Variants in PLCB1 observed in about 807,000 individuals in gnomAD.
PLCB1 encodes the protein phospholipase C beta 1.
A neutral mutation model predicts 161.8 loss-of-function variants in PLCB1; 46 were observed. That is an observed-to-expected ratio of 0.28 (90% CI 0.22 to 0.36). PLCB1 has a LOEUF of 0.36. Ranked by LOEUF, PLCB1 falls within the 10% of genes least tolerant of loss-of-function variation. The probability of loss-of-function intolerance (pLI) is 1.00; values close to 1 mark genes in which losing one functional copy is unlikely to be tolerated. For missense variants in PLCB1, 1,016 were observed against 1,472.5 expected, an observed-to-expected ratio of 0.69 and a Z score of 5.07; for synonymous variants, 517 against 503.7, an observed-to-expected ratio of 1.03 and a Z score of -0.35.
chr20:8,208,297 T>C (rs567501229), intron 2 of PLCB1, among the ~76,000 whole-genome samples: 10 of 152,284 alleles, frequency 6.6e-5, no homozygotes, highest in East Asian at 1.9e-4. Context: ...TCTTAACTTA[T>C]TTCTTTTCAC....
chr20:8,762,735 G>A (rs1008836320), intron 25 of PLCB1, among the ~76,000 whole-genome samples: 5 of 152,124 alleles, frequency 3.3e-5, no homozygotes, highest in Admixed American at 6.5e-5. Context: ...AAAAGAGATC[G>A]AATGTCAGGA....
intron 2 of PLCB1, among the ~76,000 whole-genome samples, chr20:8,312,837 GAA>G (rs112040687): frequency 3.5e-5 from 5 of 142,434 alleles, no homozygotes; most frequent in African/African-American, 7.6e-5. Flanking sequence ...TTTCTCTATA[GAA>G]AAAAAAAAAG....
intron 3 of PLCB1, among the ~76,000 whole-genome samples, chr20:8,444,696 C>T (rs1980734411): frequency 6.6e-6 from 1 of 152,202 alleles, no homozygotes; most frequent in Non-Finnish European, 1.5e-5. Flanking sequence ...TTCTCCACAT[C>T]CTCTCCAGTA....
rs562014271 is a variant in PLCB1 at position 8,562,680 on chromosome 20, T to A, written c.247-65614T>A. On this transcript the variant is annotated intron_variant, in intron 3 of 31. Transcript: ENST00000338037. ...TTGCATTCTAAAAAAGTAGATGGCA[T>A]TTTTAATAAGCAAAACCCCAGTTTA... Among the ~76,000 whole-genome samples, 3 of 152,186 alleles carry A rather than the reference T, an allele frequency of 2.0e-5. No homozygotes were observed. In the South Asian group the frequency reaches 6.2e-4, roughly 32 times the overall value.
At chr20:8,658,373 T>C (rs1472980807) in intron 8 of PLCB1, among the ~76,000 whole-genome samples, 165 bp from the exon 9 acceptor site, 4 of 152,162 alleles carry the variant, frequency 2.6e-5, no homozygotes, top group Non-Finnish European at 4.4e-5. Context: ...CATAGAGGTA[T>C]AGAAATTATG....
At chr20:8,741,414 T>C (rs1164513537) in intron 22 of PLCB1, 50 bp from the exon 23 acceptor site, 2 of 1,255,846 alleles carry the variant, frequency 1.6e-6, no homozygotes, top group East Asian at 4.7e-5. Flanking sequence ...GAATGATGGA[T>C]AATCAATACT....
chr20:8,542,911 C>G (rs1186195246), intron 3 of PLCB1, among the ~76,000 whole-genome samples: 1 of 152,178 alleles, frequency 6.6e-6, no homozygotes, highest in Non-Finnish European at 1.5e-5. Context: ...GTCATTCACT[C>G]ATGTATTCAT....
intron 3 of PLCB1, among the ~76,000 whole-genome samples, chr20:8,391,830 C>CAT (rs1987614390): frequency 7.4e-6 from 1 of 134,872 alleles, no homozygotes; most frequent in Non-Finnish European, 1.6e-5. Context: ...TATATACACA[C>CAT]ACATATATAT....
chr20:8,805,362 G>T (rs1287176123), intron 31 of PLCB1, among the ~76,000 whole-genome samples: 1 of 152,116 alleles, frequency 6.6e-6, no homozygotes, highest in African/African-American at 2.4e-5. Context: ...GCTGTAGAAT[G>T]ACCAATTTCT....
chr20:8,377,487 T>C (rs1157268629), intron 3 of PLCB1, among the ~76,000 whole-genome samples: 2 of 152,108 alleles, frequency 1.3e-5, no homozygotes, highest in African/African-American at 4.8e-5. Context: ...CTGGTGGCTG[T>C]TGGGAGTAAA....
rs1355401975 is a variant in PLCB1, at chr20:8,884,792, A to AT, written c.*2948dup. The AT allele has an allele frequency of 6.6e-6, 1 of 152,608 alleles. No individual in the cohort carries two copies. Among genetic ancestry groups the AT allele is most frequent in the Non-Finnish European group, 1.5e-5 (1 of 68,036 alleles). The allele number at this position is 152,608 out of a possible 1,614,324, so 9.5% of individuals were successfully genotyped here. A position where few individuals can be genotyped will look rare whatever the true frequency, so the allele number is the denominator to read the frequency against. On this transcript the variant is annotated 3_prime_UTR_variant, in exon 32 of 32. Coordinates refer to ENST00000338037, the MANE Select transcript of PLCB1 (RefSeq NM_015192.4). Reference sequence around the variant, plus strand: ...AAATTATTTAAAATGCATAATTCACATTTTTGTAATAATTCTATGCAATTT... The same window carrying AT: ...AAATTATTTAAAATGCATAATTCACATTTTTTGTAATAATTCTATGCAATTT...
intron 2 of PLCB1, among the ~76,000 whole-genome samples, chr20:8,176,440 T>C (rs1244590915): frequency 6.6e-6 from 1 of 152,168 alleles, no homozygotes; most frequent in African/African-American, 2.4e-5. Context: ...ATGGCAAAAT[T>C]TTAATGAGGG....
chr20:8,162,957 A>G (rs2051640343), intron 2 of PLCB1, among the ~76,000 whole-genome samples: 1 of 152,232 alleles, frequency 6.6e-6, no homozygotes, highest in Non-Finnish European at 1.5e-5. Context: ...ACTTTTTCAT[A>G]TATTTTAACC....
At chr20:8,764,302 G>A (rs750127160) in intron 25 of PLCB1, among the ~76,000 whole-genome samples, 18 of 152,158 alleles carry the variant, frequency 1.2e-4, no homozygotes, top group Non-Finnish European at 1.6e-4. Context: ...TATGATAAAT[G>A]TACCAGCTTA....
At chr20:8,603,716 T>C (rs1237618453) in intron 3 of PLCB1, among the ~76,000 whole-genome samples, 5 of 152,236 alleles carry the variant, frequency 3.3e-5, no homozygotes, top group Admixed American at 3.3e-4. Context: ...ACACCTAAGT[T>C]TGAGAACCAC....
At chr20:8,434,781 T>C (rs1440405028) in intron 3 of PLCB1, among the ~76,000 whole-genome samples, 1 of 152,200 alleles carries the variant, frequency 6.6e-6, no homozygotes, top group African/African-American at 2.4e-5. Flanking sequence ...TCCATGACAC[T>C]GTCTTACCCT....
At chr20:8,650,329 A>T (rs1006396144) in intron 7 of PLCB1, among the ~76,000 whole-genome samples, 9 of 152,212 alleles carry the variant, frequency 5.9e-5, no homozygotes, top group African/African-American at 2.2e-4. Context: ...TACCATTGCC[A>T]GGGCAACACC....
intron 3 of PLCB1, among the ~76,000 whole-genome samples, chr20:8,516,023 A>G (rs76154314): frequency 0.091 from 13,795 of 152,244 alleles, 683 homozygotes; most frequent in Middle Eastern, 0.12. Context: ...AAGGGGGCGT[A>G]AGGAGGGGAA....
At position 8,285,647 on chromosome 20, in the gene PLCB1, C is replaced by T. The variant is rs141724584; in HGVS notation, c.178-85735C>T. Reference sequence around the variant, plus strand: ...ACATAGTGTGACCATGGATACATGACCCTCCTTGAGCAGCTACCCACGGCA... The same window carrying T: ...ACATAGTGTGACCATGGATACATGATCCTCCTTGAGCAGCTACCCACGGCA... On this transcript the variant is annotated intron_variant, in intron 2 of 31. Transcript: ENST00000338037. Among the ~76,000 whole-genome samples, 17 of 152,146 alleles carry T rather than the reference C, an allele frequency of 1.1e-4. No homozygotes were observed. In the East Asian group the frequency reaches 1.4e-3, roughly 12 times the overall value.
Sources: allele counts gnomAD v4.1 joint callset (sites outside exome capture counted in the v4.1 genomes callset), GRCh38; gene constraint gnomAD v4.1.1; transcripts MANE v1.5; gene names NCBI Gene and HGNC (gene_info 2026-07-23, HGNC 2026-07-21).